The following VPS13B variants were observed in gnomAD, a reference collection of about 807,000 sequenced individuals.
VPS13B encodes the protein intermembrane lipid transfer protein VPS13B.
Under a neutral mutation model 426.4 loss-of-function variants are expected in VPS13B, and 285 were observed. The ratio of observed to expected loss-of-function variants is 0.67; its 90% CI spans 0.61 to 0.74. VPS13B has a LOEUF of 0.74. Ranked by LOEUF, VPS13B falls within the 30% of genes least tolerant of loss-of-function variation. VPS13B has a pLI of 0.00. For missense variants in VPS13B, 4,537 were observed against 4,782.6 expected, an observed-to-expected ratio of 0.95 and a Z score of 1.51; for synonymous variants, 1,676 against 1,676.4, an observed-to-expected ratio of 1.00 and a Z score of 0.01.
intron 33 of VPS13B, among the ~76,000 whole-genome samples, chr8:99,627,686 A>T (rs1455102087): frequency 6.6e-6 from 1 of 152,124 alleles, no homozygotes; most frequent in East Asian, 1.9e-4. Context: ...GCCTGACCTA[A>T]TTATGCCACA....
At chr8:99,581,703 T>TA (rs895269570) in intron 33 of VPS13B, among the ~76,000 whole-genome samples, 4 of 152,298 alleles carry the variant, frequency 2.6e-5, no homozygotes, top group African/African-American at 9.6e-5. Context: ...ACGTTAATAC[T>TA]AAAAAAATTT....
chr8:99,252,352 G>A (rs940975074), intron 17 of VPS13B, among the ~76,000 whole-genome samples: 1 of 151,692 alleles, frequency 6.6e-6, no homozygotes, highest in African/African-American at 2.4e-5. Flanking sequence ...AAATTTGGGG[G>A]GATTTTCTTA....
intron 6 of VPS13B, among the ~76,000 whole-genome samples, chr8:99,114,229 A>G (rs1847531746): frequency 6.6e-6 from 1 of 151,762 alleles, no homozygotes; most frequent in East Asian, 1.9e-4. Flanking sequence ...CATGAACATT[A>G]AGGGGAGTGC....
chr8:99,313,846 C>T (rs1322342024), intron 19 of VPS13B, among the ~76,000 whole-genome samples: 3 of 152,134 alleles, frequency 2.0e-5, no homozygotes, highest in African/African-American at 7.2e-5. Flanking sequence ...GCTTTGTTTA[C>T]CTACTCATGC....
chr8:99,494,668 G>T (rs1251913805), intron 25 of VPS13B, among the ~76,000 whole-genome samples: 2 of 151,814 alleles, frequency 1.3e-5, no homozygotes, highest in Non-Finnish European at 2.9e-5. Flanking sequence ...TTTCCAATTT[G>T]GTTGCCTTTT....
At chr8:99,498,852 T>G (rs1821073189) in intron 25 of VPS13B, among the ~76,000 whole-genome samples, 3 of 152,174 alleles carry the variant, frequency 2.0e-5, no homozygotes. Flanking sequence ...CAAAGGTAGT[T>G]GAGACCACAG....
chr8:99,136,599 T>C, intron 11 of VPS13B, 66 bp from the exon 12 acceptor site: 1 of 1,514,312 alleles, frequency 6.6e-7, no homozygotes, highest in South Asian at 1.1e-5. Context: ...GTCTAACCTA[T>C]CAAGCTTTAA....
chr8:99,842,084 G>A (rs957862631), intron 54 of VPS13B, among the ~76,000 whole-genome samples: 1 of 152,054 alleles, frequency 6.6e-6, no homozygotes, highest in African/African-American at 2.4e-5. Flanking sequence ...TCCATAGCAT[G>A]GTTTCCTAGT....
At chr8:99,542,923 GCTAC>G (rs1337703469) in intron 30 of VPS13B, among the ~76,000 whole-genome samples, 3 of 152,092 alleles carry the variant, frequency 2.0e-5, no homozygotes, top group African/African-American at 2.4e-5. Flanking sequence ...TCCCAATCAA[GCTAC>G]CAATGACTTT....
At chr8:99,169,474 G>A (rs139203046) in intron 15 of VPS13B, among the ~76,000 whole-genome samples, 19 of 152,024 alleles carry the variant, frequency 1.2e-4, no homozygotes, top group African/African-American at 4.3e-4. Flanking sequence ...TTTATGCCAT[G>A]TACCAAGTTT....
At chr8:99,636,996 G>A (rs1829097503) in intron 33 of VPS13B, among the ~76,000 whole-genome samples, 1 of 152,052 alleles carries the variant, frequency 6.6e-6, no homozygotes, top group South Asian at 2.1e-4. Flanking sequence ...TAGGTAAAGA[G>A]TGGGAGAGCT....
At chr8:99,270,380 C>T (rs572756136) in intron 17 of VPS13B, among the ~76,000 whole-genome samples, 1 of 151,676 alleles carries the variant, frequency 6.6e-6, no homozygotes, top group African/African-American at 2.4e-5. Flanking sequence ...CTCAAGTGAT[C>T]CTCCTGCCTT....
intron 19 of VPS13B, among the ~76,000 whole-genome samples, chr8:99,337,742 A>AT (rs1811002964): frequency 6.6e-6 from 1 of 152,132 alleles, no homozygotes; most frequent in Non-Finnish European, 1.5e-5. Context: ...ACATTTATCA[A>AT]TTTTTTAGTG....
chr8:99,554,316 G>C (rs1375514328), intron 30 of VPS13B, among the ~76,000 whole-genome samples: 1 of 152,004 alleles, frequency 6.6e-6, no homozygotes, highest in South Asian at 2.1e-4. Flanking sequence ...TTTAAAATAG[G>C]TAAAAGTAAT....
chr8:99,640,056 GAAAAGAAAAGAAAAGAAAAGAAAAGAAA>G (rs1829277146), intron 33 of VPS13B, among the ~76,000 whole-genome samples: 1 of 95,168 alleles, frequency 1.1e-5, no homozygotes, highest in African/African-American at 4.9e-5. Flanking sequence ...GAAGAGAAAA[GAAAAGAAAAGAAAAGAAAAGAAAAGAAA>G]AGAAAAGAAA....
At chr8:99,794,770 G>T (rs977353332) in intron 43 of VPS13B, among the ~76,000 whole-genome samples, 2 of 151,974 alleles carry the variant, frequency 1.3e-5, no homozygotes, top group Non-Finnish European at 2.9e-5. Context: ...TCTTACTGAG[G>T]TTTACTATAT....
chr8:99,427,855 C>T (rs1309490904), intron 21 of VPS13B, among the ~76,000 whole-genome samples: 1 of 152,086 alleles, frequency 6.6e-6, no homozygotes, highest in Non-Finnish European at 1.5e-5. Context: ...AAGAACAAAG[C>T]TGGAGGTATC....
intron 35 of VPS13B, among the ~76,000 whole-genome samples, chr8:99,679,230 T>C (rs1245997688): frequency 6.6e-6 from 1 of 152,182 alleles, no homozygotes; most frequent in African/African-American, 2.4e-5. Flanking sequence ...TTTCTAAAAA[T>C]CATGTGTGTC....
At chr8:99,256,873 A>T (rs1003353759) in intron 17 of VPS13B, among the ~76,000 whole-genome samples, 6 of 152,036 alleles carry the variant, frequency 3.9e-5, no homozygotes, top group African/African-American at 1.4e-4. Context: ...AATTTTCACA[A>T]TGTTGAATAT....
Sources: gnomAD v4.1 joint callset for allele counts (sites outside exome capture counted in the v4.1 genomes callset) on GRCh38, gnomAD v4.1.1 for gene constraint, MANE v1.5 for transcripts, NCBI Gene and HGNC (gene_info 2026-07-23, HGNC 2026-07-21) for gene names.